CADM2: variants seen among roughly 807,000 people sequenced by gnomAD.
CADM2 encodes immunoglobulin superfamily member 4D.
In CADM2, 12 loss-of-function variants were observed where a neutral mutation model predicts 49.8. The observed-to-expected ratio is 0.24, with a 90% CI of 0.15 to 0.39. The LOEUF (loss-of-function observed/expected upper bound fraction) is 0.39, where lower values mean the gene tolerates loss of function less well. CADM2 is among the 10% of genes least tolerant of loss of function. The pLI is 1.00. For synonymous variants in CADM2, 214 were observed against 175.4 expected (o/e 1.22, Z -1.74); for missense variants, 378 against 492.3 (o/e 0.77, Z 2.20).
At chr3:85,534,398 T>C (rs1470096052) in intron 1 of CADM2, among the ~76,000 whole-genome samples, 11 of 152,196 alleles carry the variant, frequency 7.2e-5, no homozygotes, top group Admixed American at 2.0e-4. Flanking sequence ...CTCTATAGTC[T>C]TGTAGACCAA....
chr3:85,526,190 A>G (rs2061155569), intron 1 of CADM2, among the ~76,000 whole-genome samples: 1 of 152,116 alleles, frequency 6.6e-6, no homozygotes, highest in Non-Finnish European at 1.5e-5. Context: ...TGATCTTTCA[A>G]GGCTCACTGT....
intron 1 of CADM2, among the ~76,000 whole-genome samples, chr3:85,353,398 A>G (rs1325889581): frequency 1.3e-5 from 2 of 152,236 alleles, no homozygotes; most frequent in Middle Eastern, 6.8e-3. Context: ...CTTGCCCCTT[A>G]AAATTTATAT....
intron 1 of CADM2, among the ~76,000 whole-genome samples, chr3:85,696,074 G>A (rs1027429989): frequency 4.6e-5 from 7 of 152,076 alleles, no homozygotes; most frequent in Middle Eastern, 3.4e-3. Flanking sequence ...TCTTTTTTGA[G>A]AAATGTTCAT....
chr3:85,096,308 A>T (rs2037792200), intron 1 of CADM2, among the ~76,000 whole-genome samples: 1 of 152,098 alleles, frequency 6.6e-6, no homozygotes, highest in Non-Finnish European at 1.5e-5. Flanking sequence ...ATTTCTGCCA[A>T]ATGTAGAGGT....
chr3:85,382,226 T>C (rs2033947646), intron 1 of CADM2, among the ~76,000 whole-genome samples: 1 of 152,162 alleles, frequency 6.6e-6, no homozygotes, highest in African/African-American at 2.4e-5. Flanking sequence ...TAAATTCTGA[T>C]CATTCTAGGC....
At chr3:85,183,752 C>A (rs1377087402) in intron 1 of CADM2, among the ~76,000 whole-genome samples, 1 of 152,032 alleles carries the variant, frequency 6.6e-6, no homozygotes. Context: ...TTGAAGATTG[C>A]AAAGTCTATA....
chr3:85,504,945 C>A (rs1453492638), intron 1 of CADM2, among the ~76,000 whole-genome samples: 1 of 152,082 alleles, frequency 6.6e-6, no homozygotes. Context: ...TGCCCGGGGC[C>A]GGCAGGGCCG....
At chr3:85,942,327 T>A (rs1559756180) in intron 7 of CADM2, among the ~76,000 whole-genome samples, 1 of 151,890 alleles carries the variant, frequency 6.6e-6, no homozygotes, top group Non-Finnish European at 1.5e-5. Flanking sequence ...AAATTGTTTT[T>A]TTTTGTTTGT....
At chr3:85,677,181 G>GT (rs985703110) in intron 1 of CADM2, among the ~76,000 whole-genome samples, 63 of 151,948 alleles carry the variant, frequency 4.1e-4, no homozygotes, top group Admixed American at 1.0e-3. Context: ...ATATTTATAT[G>GT]TTTTTTTTAA....
At chr3:85,816,586 C>T (rs2073219810) in intron 3 of CADM2, among the ~76,000 whole-genome samples, 1 of 152,010 alleles carries the variant, frequency 6.6e-6, no homozygotes, top group Non-Finnish European at 1.5e-5. Flanking sequence ...ACATCAAGTA[C>T]AAAATGAATG....
chr3:85,320,423 G>A (rs1056984116), intron 1 of CADM2, among the ~76,000 whole-genome samples: 6 of 152,016 alleles, frequency 3.9e-5, no homozygotes, highest in African/African-American at 1.5e-4. Context: ...CATAGATTTC[G>A]GGTAGTTTTC....
chr3:85,487,724 CTG>C (rs372515131), intron 1 of CADM2, among the ~76,000 whole-genome samples: 14 of 151,034 alleles, frequency 9.3e-5, no homozygotes, highest in East Asian at 3.9e-4. Context: ...AAATAAACCT[CTG>C]TGTGTGTGTG....
intron 1 of CADM2, among the ~76,000 whole-genome samples, chr3:85,408,213 A>T (rs2035491362): frequency 6.6e-6 from 1 of 152,132 alleles, no homozygotes; most frequent in Admixed American, 6.6e-5. Context: ...CAGATGAATG[A>T]GACAACACAT....
chr3:85,643,478 G>T (rs762838311), intron 1 of CADM2, among the ~76,000 whole-genome samples: 7 of 152,092 alleles, frequency 4.6e-5, no homozygotes, highest in Non-Finnish European at 1.0e-4. Flanking sequence ...ATGATTAGCT[G>T]CCAGCTCTAA....
chr3:85,842,506 C>T (rs1056670246), intron 3 of CADM2, among the ~76,000 whole-genome samples: 1 of 152,204 alleles, frequency 6.6e-6, no homozygotes, highest in African/African-American at 2.4e-5. Flanking sequence ...GACTTATCTT[C>T]TTGGGCCAAT....
At chr3:85,286,327 G>A (rs1422144690) in intron 1 of CADM2, among the ~76,000 whole-genome samples, 1 of 152,154 alleles carries the variant, frequency 6.6e-6, no homozygotes, top group Non-Finnish European at 1.5e-5. Context: ...CGTAAGAGGA[G>A]AGGGTCTCCC....
At chr3:85,371,951 G>A (rs185052022) in intron 1 of CADM2, among the ~76,000 whole-genome samples, 1 of 151,598 alleles carries the variant, frequency 6.6e-6, no homozygotes, top group Non-Finnish European at 1.5e-5. Flanking sequence ...TTGTGAAAAT[G>A]TAAACATATT....
intron 1 of CADM2, among the ~76,000 whole-genome samples, chr3:85,410,158 C>T (rs2035589702): frequency 6.6e-6 from 1 of 152,162 alleles, no homozygotes; most frequent in African/African-American, 2.4e-5. Flanking sequence ...TTTATTCTCT[C>T]ATTTCAAATC....
At chr3:85,321,111 T>C (rs2044591065) in intron 1 of CADM2, among the ~76,000 whole-genome samples, 1 of 39,782 alleles carries the variant, frequency 2.5e-5, no homozygotes, top group Non-Finnish European at 5.2e-5. Flanking sequence ...TATATATATA[T>C]ATATATTTTT....
Sources: allele counts gnomAD v4.1 joint callset (sites outside exome capture counted in the v4.1 genomes callset), GRCh38; gene constraint gnomAD v4.1.1; transcripts MANE v1.5; gene names NCBI Gene and HGNC (gene_info 2026-07-23, HGNC 2026-07-21).